Variants in LEPR observed in about 807,000 individuals in gnomAD.
LEPR encodes the protein OB receptor.
Under a neutral mutation model 114.7 loss-of-function variants are expected in LEPR, and 56 were observed. The ratio of observed to expected loss-of-function variants is 0.49; its 90% CI spans 0.39 to 0.61. The LOEUF is 0.61. Ranked by LOEUF, LEPR falls within the 20% of genes least tolerant of loss-of-function variation. LEPR has a pLI of 0.00. For missense variants in LEPR, 1,202 were observed against 1,352.9 expected (o/e 0.89, Z 1.75); for synonymous variants, 443 against 461.4 (o/e 0.96, Z 0.51).
chr1:65,479,108 C>T (rs1053799770), intron 2 of LEPR, among the ~76,000 whole-genome samples: 4 of 152,120 alleles, frequency 2.6e-5, no homozygotes, highest in African/African-American at 4.8e-5. Flanking sequence ...ACAGCTTCCA[C>T]GGTGTGTATG....
At chr1:65,511,429 T>C (rs1001004401) in intron 2 of LEPR, among the ~76,000 whole-genome samples, 4 of 147,600 alleles carry the variant, frequency 2.7e-5, no homozygotes, top group Admixed American at 1.3e-4. Context: ...TATATATGTA[T>C]ACACACACAC....
Position 65,616,010 on chromosome 1 carries a change from C to T in LEPR, c.1998C>T (p.Pro666=), listed in dbSNP as rs1206256369. ...ATCAATTTCTATATTTACTACAGCC[C>T]CTGATGAAAAATGACTCATTGTGCA... ...KEKNVTLLWK[P]LMKNDSLCSV... is the part of the protein sequence containing the mutation. Residue 666 remains proline, a splice_region_variant and synonymous_variant, in exon 15 of 20, where the codon CCC becomes CCT. Transcript: ENST00000349533. 1.2e-6 allele frequency: 2 copies of T among 1,614,042 alleles called. No homozygotes were observed.
Position 65,420,710 on chromosome 1 carries a change from C to T in LEPR, c.-127C>T. ...GCAGGAAGCCGGAAGCAGCCGCGGC[C>T]CCAGTTCGGGAGACATGGCGGGCGT... On this transcript the variant is annotated 5_prime_UTR_variant, in exon 1 of 20. Transcript: ENST00000349533. The T allele has an allele frequency of 2.5e-6, 4 of 1,580,806 alleles. No homozygotes were observed. The highest frequency in any genetic ancestry group is 4.6e-5 in the East Asian group (2 of 43,228).
rs1236996332 is a variant in LEPR at position 65,427,699 on chromosome 1, CT to C, written c.-21+2324del. ...GTTTTAATTCTCTGTGATACACTGT[CT>C]TTGTAAGGTAAGAAAATGACTCATT... On this transcript the variant is annotated intron_variant, in intron 2 of 19. Coordinates refer to ENST00000349533, the MANE Select transcript of LEPR (RefSeq NM_002303.6). 5.5e-5 allele frequency: 15 copies of C among 273,682 alleles called. 1 individual carries two copies. The Admixed American group carries it at 6.3e-4, about 11-fold the overall frequency. 17.0% of individuals were successfully genotyped at this position (273,682 alleles called of 1,614,324 possible). A position where few individuals can be genotyped will look rare whatever the true frequency, so the allele number is the denominator to read the frequency against.
intron 10 of LEPR, among the ~76,000 whole-genome samples, chr1:65,604,029 CT>C (rs1480604765): frequency 6.6e-6 from 1 of 151,978 alleles, no homozygotes; most frequent in Non-Finnish European, 1.5e-5. Context: ...AGGAATTTGC[CT>C]TCCTTGCCAT....
chr1:65,605,189 C>T lies in LEPR; in HGVS notation c.1555C>T (p.Leu519=). Reference sequence around the variant, plus strand: ...AATGTGGATTAGGATCAATCACTCTCTAGGTTCACTTGACTCTCCACCAAC... The same window carrying T: ...AATGTGGATTAGGATCAATCACTCTTTAGGTTCACTTGACTCTCCACCAAC... The part of the protein sequence containing the change: ...YTMWIRINHS[L]GSLDSPPTCV... The change falls in exon 11 of 20, where the codon CTA becomes TTA. Residue 519 remains leucine, a synonymous_variant. Transcript: ENST00000349533. 3 of 1,614,106 alleles carry T rather than the reference C, an allele frequency of 1.9e-6. No individual in the cohort carries two copies. Among genetic ancestry groups the T allele is most frequent in the Middle Eastern group, 1.7e-4 (1 of 6,060 alleles).
chr1:65,513,727 A>G (rs984836576), intron 2 of LEPR, among the ~76,000 whole-genome samples: 7 of 152,340 alleles, frequency 4.6e-5, no homozygotes, highest in African/African-American at 1.4e-4. Flanking sequence ...TTAAATCTGA[A>G]ATACTTCTCT....
intron 2 of LEPR, chr1:65,427,856 G>A (rs1021404805): frequency 6.7e-6 from 2 of 297,418 alleles, no homozygotes; most frequent in African/African-American, 4.5e-5. Flanking sequence ...GCTCAGGCTG[G>A]TCTTGAACTC....
chr1:65,608,885 A>G lies in LEPR; in HGVS notation c.1736A>G (p.Lys579Arg). Residue 579 changes from lysine (K) to arginine (R), a missense_variant, in exon 12 of 20, where the codon AAA (lysine) becomes AGA (arginine). Lys to Arg is a conservative substitution (Grantham distance 26, BLOSUM62 2). Transcript: ENST00000349533. ...QFQIRYGLSG[K>R]EVQWKMYEVY... The stretch of plus-strand genomic sequence containing the variant: ...CAGATTCGCTATGGTTTAAGTGGAA[A>G]AGAAGTACAATGGAAGGTACCTTTT... 1 of 1,613,686 alleles carries G rather than the reference A, an allele frequency of 6.2e-7. No individual in the cohort carries two copies. Among genetic ancestry groups the G allele is most frequent in the Non-Finnish European group, 8.5e-7 (1 of 1,179,792 alleles).
intron 2 of LEPR, among the ~76,000 whole-genome samples, chr1:65,456,463 C>G (rs1646877707): frequency 1.3e-5 from 2 of 152,072 alleles, no homozygotes; most frequent in African/African-American, 2.4e-5. Context: ...CTTTGCAGTT[C>G]TGATGTTTTT....
chr1:65,458,511 C>A (rs974091576), intron 2 of LEPR, among the ~76,000 whole-genome samples: 8 of 152,160 alleles, frequency 5.3e-5, no homozygotes, highest in African/African-American at 1.9e-4. Context: ...TTGTTTGAGT[C>A]GTTTTTGAAG....
At position 65,572,525 on chromosome 1, in the gene LEPR, T is replaced by C. The variant is rs1289444991; in HGVS notation, c.494+76T>C. 4.4e-6 allele frequency: 6 copies of C among 1,371,624 alleles called. No homozygotes were observed. In the African/African-American group the frequency reaches 8.7e-5, roughly 20 times the overall value. 85.0% of individuals were successfully genotyped at this position (1,371,624 alleles called of 1,614,324 possible). ...AGAGCTTTCATATACGGAAGTAGAT[T>C]ATAAACCTCTTGCATCCCTACATTT... On this transcript the variant is annotated intron_variant, in intron 5 of 19. Coordinates refer to ENST00000349533, the MANE Select transcript of LEPR (RefSeq NM_002303.6).
chr1:65,452,627 GC>G (rs1191829154), intron 2 of LEPR, among the ~76,000 whole-genome samples: 3 of 151,242 alleles, frequency 2.0e-5, no homozygotes, highest in Admixed American at 2.0e-4. Flanking sequence ...CAGGGATGAA[GC>G]CCACTTGATC....
chr1:65,540,910 T>G (rs1468919826), intron 2 of LEPR, among the ~76,000 whole-genome samples: 1 of 152,196 alleles, frequency 6.6e-6, no homozygotes, highest in Non-Finnish European at 1.5e-5. Context: ...TGGCTCACTG[T>G]AATCTCTGCC....
chr1:65,509,701 T>A (rs1648937682), intron 2 of LEPR, among the ~76,000 whole-genome samples: 1 of 152,210 alleles, frequency 6.6e-6, no homozygotes, highest in Non-Finnish European at 1.5e-5. Context: ...TGAAAAGGAA[T>A]TAACACACAA....
intron 2 of LEPR, among the ~76,000 whole-genome samples, chr1:65,473,533 A>G (rs1031673786): frequency 6.6e-6 from 1 of 152,220 alleles, no homozygotes; most frequent in African/African-American, 2.4e-5. Context: ...TCTTTTAATA[A>G]TGGCATTTAT....
At chr1:65,453,539 C>G (rs1237825024) in intron 2 of LEPR, among the ~76,000 whole-genome samples, 1 of 151,838 alleles carries the variant, frequency 6.6e-6, no homozygotes, top group Non-Finnish European at 1.5e-5. Context: ...TGTTATGTAC[C>G]CAGTAGTCAT....
intron 2 of LEPR, among the ~76,000 whole-genome samples, chr1:65,473,438 AAATC>A (rs1461671999): frequency 2.0e-5 from 3 of 152,240 alleles, no homozygotes; most frequent in Non-Finnish European, 4.4e-5. Context: ...ATAAAAATAT[AAATC>A]AATACAAAAG....
chr1:65,455,281 CTCG>C (rs1646853147), intron 2 of LEPR, among the ~76,000 whole-genome samples: 1 of 152,230 alleles, frequency 6.6e-6, no homozygotes, highest in South Asian at 2.1e-4. Context: ...CTTCTCTCAG[CTCG>C]TCGAAGTCAT....
Sources: allele counts gnomAD v4.1 joint callset (sites outside exome capture counted in the v4.1 genomes callset), GRCh38; gene constraint gnomAD v4.1.1; transcripts MANE v1.5; gene names NCBI Gene and HGNC (gene_info 2026-07-23, HGNC 2026-07-21).